The following CREM variants were observed in gnomAD, a reference collection of about 807,000 sequenced individuals.
The protein encoded by CREM is cAMP responsive element modulator, also known as cAMP-responsive element modulator.
CREM carries 13 observed loss-of-function variants against 37.3 expected under a neutral mutation model. That is an observed-to-expected ratio of 0.35 (90% CI 0.23 to 0.55). The LOEUF (loss-of-function observed/expected upper bound fraction) is 0.55. CREM is among the 20% of genes least tolerant of loss of function. The pLI, the probability that CREM is intolerant of heterozygous loss-of-function variation, is 0.88. For synonymous variants in CREM, 124 were observed against 120.2 expected (o/e 1.03, Z -0.21); for missense variants, 296 against 362.3 (o/e 0.82, Z 1.49).
intron 6 of CREM, among the ~76,000 whole-genome samples, chr10:35,192,860 A>C (rs1211810685): frequency 1.3e-5 from 2 of 152,190 alleles, no homozygotes; most frequent in African/African-American, 2.4e-5. Flanking sequence ...AAAGCTCCAA[A>C]TCTTTCATGT....
chr10:35,144,540 C>A (rs1398711083), intron 2 of CREM, among the ~76,000 whole-genome samples: 2 of 152,006 alleles, frequency 1.3e-5, no homozygotes, highest in Non-Finnish European at 2.9e-5. Context: ...TTGGAAAATT[C>A]TGTAGTATTG....
intron 2 of CREM, among the ~76,000 whole-genome samples, chr10:35,142,919 T>C (rs745714186): frequency 6.6e-6 from 1 of 151,658 alleles, no homozygotes; most frequent in Non-Finnish European, 1.5e-5. Context: ...CAATAGCTTA[T>C]TCTGTCTTAT....
At chr10:35,175,047 GTTA>G (rs1201669004) in intron 3 of CREM, among the ~76,000 whole-genome samples, 2 of 152,192 alleles carry the variant, frequency 1.3e-5, no homozygotes, top group African/African-American at 4.8e-5. Context: ...TGCCTTTTTA[GTTA>G]TTATGAGGGC....
At chr10:35,156,175 G>A (rs1273788458) in intron 3 of CREM, among the ~76,000 whole-genome samples, 6 of 151,718 alleles carry the variant, frequency 4.0e-5, no homozygotes, top group Admixed American at 2.0e-4. Context: ...TCCTGACCTC[G>A]TGATCCATCC....
chr10:35,163,728 G>A (rs532738990), intron 3 of CREM, among the ~76,000 whole-genome samples: 2 of 152,188 alleles, frequency 1.3e-5, no homozygotes, highest in South Asian at 2.1e-4. Flanking sequence ...GGCTGAGGCG[G>A]GAGATTCGCT....
chr10:35,202,778 A>G (rs748938401), intron 6 of CREM, among the ~76,000 whole-genome samples: 4 of 152,192 alleles, frequency 2.6e-5, no homozygotes, highest in African/African-American at 9.7e-5. Context: ...AATATATGAT[A>G]CCTCTGAAAA....
In CREM at chr10:35,167,314, C is replaced by T. The variant is rs141526196; in HGVS notation, c.169-11575C>T. Among the ~76,000 whole-genome samples the T allele has an allele frequency of 3.9e-5, 6 of 152,230 alleles. No individual in the cohort carries two copies. In the East Asian group the frequency reaches 1.2e-3, roughly 29 times the overall value. On this transcript the variant is annotated intron_variant, in intron 3 of 7. Transcript: ENST00000685392. Reference sequence around the variant, plus strand: ...GAATCCTGTCTTAATACATAAATATCAAGATAGTTTTCAACTTCTTGCTTA... The same window carrying T: ...GAATCCTGTCTTAATACATAAATATTAAGATAGTTTTCAACTTCTTGCTTA...
chr10:35,205,477 C>T (rs1241468452), intron 6 of CREM, among the ~76,000 whole-genome samples: 1 of 152,106 alleles, frequency 6.6e-6, no homozygotes, highest in Non-Finnish European at 1.5e-5. Context: ...TCAATTCCTT[C>T]CAGTGCTTCA....
chr10:35,145,776 C>CAAAAAAAAA (rs370248344), intron 2 of CREM, among the ~76,000 whole-genome samples: 2 of 85,232 alleles, frequency 2.3e-5, no homozygotes, highest in South Asian at 4.8e-4. Flanking sequence ...GACTCTGCCT[C>CAAAAAAAAA]AAAAAAAAAA....
At chr10:35,148,544 A>G in intron 3 of CREM, 53 bp downstream of exon 3, 1 of 1,565,408 alleles carries the variant, frequency 6.4e-7, no homozygotes, top group Non-Finnish European at 8.7e-7. Context: ...AATGAGAATT[A>G]GGTGCAGATT....
intron 3 of CREM, among the ~76,000 whole-genome samples, chr10:35,176,688 C>T (rs531772384): frequency 2.6e-5 from 4 of 151,910 alleles, no homozygotes; most frequent in African/African-American, 9.7e-5. Flanking sequence ...GGATTACAGG[C>T]GTGAGCCACT....
intron 1 of CREM, among the ~76,000 whole-genome samples, chr10:35,135,739 A>AAG (rs1564789255): frequency 1.7e-5 from 2 of 114,702 alleles, no homozygotes; most frequent in Non-Finnish European, 4.0e-5. Flanking sequence ...AAAAAAAAAA[A>AAG]AAAAGAGAGA....
In CREM at chr10:35,175,850, C is replaced by A. The variant is rs1531550; in HGVS notation, c.169-3039C>A. Reference sequence around the variant, plus strand: ...TAATCCTCAATGGTGATCATTTTGGCAGGTTTCTGTGGCTGGATCAGGCAC... The same window carrying A: ...TAATCCTCAATGGTGATCATTTTGGAAGGTTTCTGTGGCTGGATCAGGCAC... On this transcript the variant is annotated intron_variant, in intron 3 of 7. Coordinates refer to ENST00000685392, the MANE Select transcript of CREM (RefSeq NM_183011.2). 4.4e-6 allele frequency: 7 copies of A among 1,584,824 alleles called. No homozygotes were observed. The South Asian group carries it at 8.0e-5, about 18-fold the overall frequency.
chr10:35,177,206 A>G (rs960240201), intron 3 of CREM, among the ~76,000 whole-genome samples: 3 of 152,018 alleles, frequency 2.0e-5, no homozygotes, highest in Non-Finnish European at 4.4e-5. Flanking sequence ...ACAAATTCAC[A>G]TACATTAAAA....
intron 6 of CREM, among the ~76,000 whole-genome samples, chr10:35,197,464 A>G (rs569123189): frequency 1.4e-4 from 18 of 124,960 alleles, no homozygotes; most frequent in African/African-American, 5.5e-4. Context: ...TTATTTATTT[A>G]TTTTATGAGA....
Position 35,148,565 on chromosome 10 carries a change from G to C in CREM, c.168+74G>C. ...AATTAGGTGCAGATTCTGTTTTCTTGCCATTGATCTTAAATTTTCCATGTT... is the reference window on the plus strand; with the variant it reads ...AATTAGGTGCAGATTCTGTTTTCTTCCCATTGATCTTAAATTTTCCATGTT... On this transcript the variant is annotated intron_variant, in intron 3 of 7. Coordinates refer to ENST00000685392, the MANE Select transcript of CREM (RefSeq NM_183011.2). 2 of 1,489,884 alleles carry C rather than the reference G, an allele frequency of 1.3e-6. 1 individual carries two copies. Among genetic ancestry groups the C allele is most frequent in the South Asian group, 2.5e-5 (2 of 78,490 alleles). 92.3% of individuals were successfully genotyped at this position (1,489,884 alleles called of 1,614,324 possible). A position where few individuals can be genotyped will look rare whatever the true frequency, so the allele number is the denominator to read the frequency against.
intron 3 of CREM, among the ~76,000 whole-genome samples, chr10:35,178,525 G>C (rs1188808708): frequency 6.6e-6 from 1 of 152,140 alleles, no homozygotes; most frequent in Non-Finnish European, 1.5e-5. Flanking sequence ...CCCCTCGCTG[G>C]CTCCCTCCTG....
intron 6 of CREM, among the ~76,000 whole-genome samples, chr10:35,199,985 G>C (rs1309001352): frequency 2.0e-5 from 3 of 148,878 alleles, no homozygotes; most frequent in African/African-American, 7.4e-5. Flanking sequence ...TGCCTCCCAG[G>C]TTCAAGCGAT....
At chr10:35,209,922 T>C (rs2095627252) in intron 7 of CREM, among the ~76,000 whole-genome samples, 1 of 152,234 alleles carries the variant, frequency 6.6e-6, no homozygotes, top group East Asian at 1.9e-4. Context: ...ACTTTGTATG[T>C]TCACAGGGTG....
Sources: allele counts gnomAD v4.1 joint callset (sites outside exome capture counted in the v4.1 genomes callset), GRCh38; gene constraint gnomAD v4.1.1; transcripts MANE v1.5; gene names NCBI Gene and HGNC (gene_info 2026-07-23, HGNC 2026-07-21).